Variants in TBC1D2B observed in about 807,000 individuals in gnomAD.
TBC1D2B encodes the protein TBC1 domain family member 2B, also known as TBC1 domain family, member 2B.
TBC1D2B carries 64 observed loss-of-function variants against 100.8 expected under a neutral mutation model. The observed-to-expected ratio is 0.64, with a 90% CI of 0.52 to 0.78. The LOEUF (loss-of-function observed/expected upper bound fraction) is 0.78. Ranked by LOEUF, TBC1D2B falls within the 30% of genes least tolerant of loss-of-function variation. The pLI is 0.00. For missense variants in TBC1D2B, 1,052 were observed against 1,218.4 expected (o/e 0.86, Z 2.03); for synonymous variants, 480 against 479.7 (o/e 1.00, Z -0.01).
chr15:78,005,740 A>G (rs183088325), intron 10 of TBC1D2B, among the ~76,000 whole-genome samples: 356 of 152,330 alleles, frequency 2.3e-3, no homozygotes, highest in Non-Finnish European at 4.1e-3. Flanking sequence ...CAGTTGGTAG[A>G]ATAACAGGCA....
At position 78,013,242 on chromosome 15, in the gene TBC1D2B, C is replaced by T. The variant is rs778230884; in HGVS notation, c.1851G>A (p.Ala617=). The part of the protein sequence containing the change: ...EEEKLVAKVR[A]LDLKTLYLTE... ...TGAGGTAGAGAGTCTTCAGATCCAA[C>T]GCGCGGACCTTGGCAACCAATTTCT... The change falls in exon 9 of 13, where the codon GCG becomes GCA. Residue 617 remains alanine, a synonymous_variant. Transcript: ENST00000300584. The T allele has an allele frequency of 2.6e-5, 42 of 1,613,874 alleles. No homozygotes were observed. Among genetic ancestry groups the T allele is most frequent in the Non-Finnish European group, 2.9e-5 (34 of 1,179,914 alleles).
At chr15:78,020,718 T>C (rs886791480) in intron 6 of TBC1D2B, among the ~76,000 whole-genome samples, 1 of 152,182 alleles carries the variant, frequency 6.6e-6, no homozygotes, top group Admixed American at 6.5e-5. Flanking sequence ...TGGTGCTTGC[T>C]CCAGTTGTCA....
chr15:78,041,480 G>C (rs1479536241), intron 3 of TBC1D2B, among the ~76,000 whole-genome samples: 1 of 152,142 alleles, frequency 6.6e-6, no homozygotes, highest in Non-Finnish European at 1.5e-5. Flanking sequence ...CTAGTTAAGA[G>C]AGTTTCAACT....
intron 10 of TBC1D2B, among the ~76,000 whole-genome samples, chr15:78,006,003 A>T (rs2072056710): frequency 6.6e-6 from 1 of 152,116 alleles, no homozygotes; most frequent in South Asian, 2.1e-4. Flanking sequence ...CATCATCTCA[A>T]TTCAACCTCA....
intron 1 of TBC1D2B, among the ~76,000 whole-genome samples, chr15:78,067,755 A>T (rs1020060042): frequency 6.6e-6 from 1 of 152,260 alleles, no homozygotes; most frequent in African/African-American, 2.4e-5. Context: ...TAGTTCTCCC[A>T]GGCAATCTCT....
intron 4 of TBC1D2B, among the ~76,000 whole-genome samples, chr15:78,028,292 T>G (rs766847689): frequency 7.2e-5 from 11 of 152,022 alleles, no homozygotes; most frequent in Non-Finnish European, 1.6e-4. Context: ...CTGGCCAACA[T>G]GATGAAACCC....
At position 78,071,202 on chromosome 15, in the gene TBC1D2B, A is replaced by T. The variant is rs183627526; in HGVS notation, c.360+6091T>A. Among the ~76,000 whole-genome samples the T allele has an allele frequency of 4.7e-4, 72 of 152,310 alleles. 1 individual carries two copies. The highest frequency in any genetic ancestry group is 1.5e-3 in the African/African-American group (63 of 41,564). Reference sequence around the variant, plus strand: ...AGGCTGGTCTCGAACTATTGGTATCAAGTGATCCTCCCATTTCGGCCTCCC... The same window carrying T: ...AGGCTGGTCTCGAACTATTGGTATCTAGTGATCCTCCCATTTCGGCCTCCC... On this transcript the variant is annotated intron_variant, in intron 1 of 12. Coordinates refer to ENST00000300584, the MANE Select transcript of TBC1D2B (RefSeq NM_144572.2).
chr15:78,060,295 G>A (rs1162574294), intron 1 of TBC1D2B, among the ~76,000 whole-genome samples: 1 of 152,118 alleles, frequency 6.6e-6, no homozygotes, highest in Non-Finnish European at 1.5e-5. Context: ...TAAACAGTGG[G>A]AAACAAGTTT....
chr15:78,032,500 G>A (rs886478154), intron 3 of TBC1D2B, among the ~76,000 whole-genome samples: 9 of 151,436 alleles, frequency 5.9e-5, no homozygotes, highest in South Asian at 2.1e-4. Flanking sequence ...AGGCATGCAC[G>A]AAGTGGGAAG....
rs151090099 is a variant in TBC1D2B, at chr15:78,023,258, G to T, written c.1470+898C>A. 7.1e-3 allele frequency among the ~76,000 whole-genome samples: 1,082 copies of T among 152,268 alleles called. 15 individuals carry two copies. The highest frequency in any genetic ancestry group is 0.025 in the African/African-American group (1,053 of 41,544). ...GTGGCCAGGTGAGGGACGCCTTGGG[G>T]CTAGGTGAGACCAGTAGCTACAGAC... On this transcript the variant is annotated intron_variant, in intron 6 of 12. Coordinates refer to ENST00000300584, the MANE Select transcript of TBC1D2B (RefSeq NM_144572.2).
At chr15:78,075,090 T>C (rs144884201) in intron 1 of TBC1D2B, among the ~76,000 whole-genome samples, 4 of 152,122 alleles carry the variant, frequency 2.6e-5, no homozygotes, top group African/African-American at 9.7e-5. Flanking sequence ...ATTTGTCCAA[T>C]ATGTGTGAGC....
At chr15:78,038,114 C>G (rs773612568) in intron 3 of TBC1D2B, among the ~76,000 whole-genome samples, 1 of 152,148 alleles carries the variant, frequency 6.6e-6, no homozygotes, top group Non-Finnish European at 1.5e-5. Context: ...CAACTCTGCC[C>G]CTGGAAGGGT....
In TBC1D2B at chr15:78,024,527, G is replaced by A. The variant is rs761961606; in HGVS notation, c.1099C>T (p.Leu367=). ...DLSSQKELVR[L]LQQTVRSSQY... is the part of the protein sequence containing the mutation. Reference sequence around the variant, plus strand: ...GATGACCGGACTGTCTGCTGGAGCAGTCGAACAAGCTCCTGGGAGCCAAAA... The same window carrying A: ...GATGACCGGACTGTCTGCTGGAGCAATCGAACAAGCTCCTGGGAGCCAAAA... Residue 367 remains leucine, a synonymous_variant, in exon 6 of 13, where the codon CTG becomes TTG. Coordinates refer to ENST00000300584, the MANE Select transcript of TBC1D2B (RefSeq NM_144572.2). The A allele has an allele frequency of 3.7e-6, 6 of 1,609,578 alleles. No individual in the cohort carries two copies. The highest frequency in any genetic ancestry group is 2.2e-5 in the South Asian group (2 of 90,906).
At chr15:78,028,261 G>A (rs918552674) in intron 4 of TBC1D2B, among the ~76,000 whole-genome samples, 2 of 152,146 alleles carry the variant, frequency 1.3e-5, no homozygotes, top group Admixed American at 6.5e-5. Context: ...AATCACCTGA[G>A]GTCAAGAGTT....
At chr15:77,998,586 C>T in intron 12 of TBC1D2B, 1 of 495,376 alleles carries the variant, frequency 2.0e-6, no homozygotes, top group South Asian at 3.0e-5. Context: ...CTGCCACATG[C>T]TTGCTGTGTG....
chr15:78,000,772 T>C (rs2071891181), intron 12 of TBC1D2B, among the ~76,000 whole-genome samples: 1 of 152,190 alleles, frequency 6.6e-6, no homozygotes, highest in African/African-American at 2.4e-5. Flanking sequence ...GACTGTGTGG[T>C]CAGGGAGGGT....
chr15:78,021,329 AAT>A (rs1217536569), intron 6 of TBC1D2B, among the ~76,000 whole-genome samples: 3 of 151,892 alleles, frequency 2.0e-5, no homozygotes, highest in Non-Finnish European at 4.4e-5. Flanking sequence ...ATATATCTTA[AAT>A]ATATATATTT....
intron 1 of TBC1D2B, among the ~76,000 whole-genome samples, chr15:78,070,039 C>T (rs1420681830): frequency 6.6e-6 from 1 of 152,148 alleles, no homozygotes; most frequent in Non-Finnish European, 1.5e-5. Flanking sequence ...TTTGTCAAAC[C>T]CTGCTTAAAA....
intron 4 of TBC1D2B, among the ~76,000 whole-genome samples, chr15:78,028,678 T>G (rs931138007): frequency 6.6e-6 from 1 of 152,242 alleles, no homozygotes; most frequent in Non-Finnish European, 1.5e-5. Flanking sequence ...ACAGCATTCC[T>G]GTCGAATCAG....
Sources: allele counts gnomAD v4.1 joint callset (sites outside exome capture counted in the v4.1 genomes callset), GRCh38; gene constraint gnomAD v4.1.1; transcripts MANE v1.5; gene names NCBI Gene and HGNC (gene_info 2026-07-23, HGNC 2026-07-21).